Variants in FOXO1 observed in about 807,000 individuals in gnomAD.
The protein encoded by FOXO1 is forkhead box O1, also known as forkhead box protein O1.
A neutral mutation model predicts 44.1 loss-of-function variants in FOXO1; 6 were observed. That is an observed-to-expected ratio of 0.14 (90% CI 0.07 to 0.27). The LOEUF is 0.27. FOXO1 is among the 10% of genes least tolerant of loss of function. The probability of loss-of-function intolerance (pLI) is 1.00; values close to 1 mark genes in which losing one functional copy is unlikely to be tolerated. For missense variants in FOXO1, 737 were observed against 888.8 expected, an observed-to-expected ratio of 0.83 and a Z score of 2.17; for synonymous variants, 380 against 362.7, an observed-to-expected ratio of 1.05 and a Z score of -0.54.
chr13:40,560,875 A>T lies in FOXO1; in HGVS notation c.631-15T>A. On this transcript the variant is annotated splice_polypyrimidine_tract_variant and intron_variant, in intron 1 of 2. Transcript: ENST00000379561. The surrounding 1 kb of genome is among the most constrained non-coding windows in gnomAD (Gnocchi z 5.1). ...CGAATTGAATTCTGTAAGGCAAAAC[A>T]TCTTATTAGAAGTACAATACTTCTC... The T allele has an allele frequency of 6.3e-7, 1 of 1,582,786 alleles. No homozygotes were observed. Among genetic ancestry groups the T allele is most frequent in the Non-Finnish European group, 8.6e-7 (1 of 1,166,514 alleles).
chr13:40,560,133 C>T lies in FOXO1; in HGVS notation c.1358G>A (p.Ser453Asn), dbSNP rs571854966. The change falls in exon 2 of 3, where the codon AGT becomes AAT. Residue 453 changes from serine (S) to asparagine (N), a missense_variant. Transcript: ENST00000379561. The surrounding 1 kb of genome is among the most constrained non-coding windows in gnomAD (Gnocchi z 5.1). ...QDNKSSYGGM[S>N]QYNCAPGLLK... is the part of the protein sequence containing the mutation. ...GAGTCCAGGCGCACAGTTATACTGA[C>T]TCATACCTCCATAACTCGACTTATT... The T allele has an allele frequency of 3.5e-5, 57 of 1,614,170 alleles. No individual in the cohort carries two copies. In the South Asian group the frequency reaches 5.9e-4, roughly 17 times the overall value.
At chr13:40,650,212 G>A (rs181665467) in intron 1 of FOXO1, among the ~76,000 whole-genome samples, 2 of 152,172 alleles carry the variant, frequency 1.3e-5, no homozygotes, top group African/African-American at 4.8e-5. Flanking sequence ...TGGGGCTTGT[G>A]GGAGTGTGGC....
intron 1 of FOXO1, among the ~76,000 whole-genome samples, chr13:40,636,517 C>CTTTT (rs376651061): frequency 4.3e-4 from 52 of 121,924 alleles, no homozygotes; most frequent in African/African-American, 1.2e-3. Context: ...TTTTCAAAAA[C>CTTTT]TTTTTTTTTT....
At chr13:40,645,725 G>A (rs1257519663) in intron 1 of FOXO1, among the ~76,000 whole-genome samples, 1 of 152,140 alleles carries the variant, frequency 6.6e-6, no homozygotes, top group Non-Finnish European at 1.5e-5. Flanking sequence ...CTAGGGAAGG[G>A]GAGTAGGAAG....
intron 1 of FOXO1, among the ~76,000 whole-genome samples, chr13:40,586,932 T>A (rs946542605): frequency 2.0e-5 from 3 of 152,220 alleles, no homozygotes; most frequent in African/African-American, 7.2e-5. Context: ...TAAAGTGTTT[T>A]TAAACTGAAG....
intron 1 of FOXO1, among the ~76,000 whole-genome samples, chr13:40,657,452 C>T (rs555372007): frequency 7.4e-4 from 112 of 152,186 alleles, no homozygotes; most frequent in Non-Finnish European, 1.3e-3. Flanking sequence ...CCTGCCTCAG[C>T]CTCACAAGTA....
At chr13:40,562,829 G>A (rs557840044) in intron 1 of FOXO1, 1 of 152,382 alleles carries the variant, frequency 6.6e-6, no homozygotes, top group Admixed American at 6.5e-5. Flanking sequence ...GTGTTCAGGG[G>A]AGTCCGTGGG....
intron 1 of FOXO1, among the ~76,000 whole-genome samples, chr13:40,658,842 T>C (rs918912397): frequency 6.6e-6 from 1 of 152,000 alleles, no homozygotes; most frequent in Non-Finnish European, 1.5e-5. Flanking sequence ...ATCCCGTCTC[T>C]ACTAAAAATA....
intron 1 of FOXO1, among the ~76,000 whole-genome samples, chr13:40,626,075 C>A (rs1876776947): frequency 6.6e-6 from 1 of 152,144 alleles, no homozygotes; most frequent in African/African-American, 2.4e-5. Flanking sequence ...CCTCAGCCTC[C>A]CAAAGTGCTG....
intron 1 of FOXO1, among the ~76,000 whole-genome samples, chr13:40,633,010 A>G (rs1566080726): frequency 6.6e-6 from 1 of 152,256 alleles, no homozygotes; most frequent in Non-Finnish European, 1.5e-5. Context: ...ATATAAAAAG[A>G]TGCTTAACAT....
chr13:40,599,478 G>T (rs566473415), intron 1 of FOXO1, among the ~76,000 whole-genome samples: 2 of 152,334 alleles, frequency 1.3e-5, no homozygotes. Context: ...TGTACAGCTG[G>T]ACGAAGTTTT....
chr13:40,610,674 A>AT (rs1373886343), intron 1 of FOXO1, among the ~76,000 whole-genome samples: 1 of 152,196 alleles, frequency 6.6e-6, no homozygotes, highest in East Asian at 1.9e-4. Context: ...TTTATTTTAA[A>AT]TTTTTTTATT....
chr13:40,644,893 C>A (rs746265879), intron 1 of FOXO1, among the ~76,000 whole-genome samples: 3 of 152,216 alleles, frequency 2.0e-5, no homozygotes, highest in African/African-American at 7.2e-5. Context: ...GCAGCCAACA[C>A]TACTCATCTC....
At chr13:40,646,473 A>C (rs564642960) in intron 1 of FOXO1, among the ~76,000 whole-genome samples, 110 of 152,196 alleles carry the variant, frequency 7.2e-4, no homozygotes, top group Non-Finnish European at 1.3e-3. Context: ...TGGTGCCGTG[A>C]GCTGCGCCCA....
chr13:40,648,202 A>G (rs1324367396), intron 1 of FOXO1, among the ~76,000 whole-genome samples: 3 of 152,218 alleles, frequency 2.0e-5, no homozygotes, highest in Non-Finnish European at 4.4e-5. Flanking sequence ...GGTGCTGATT[A>G]CATTCAGGAA....
intron 1 of FOXO1, chr13:40,620,288 C>A: frequency 8.9e-7 from 1 of 1,117,336 alleles, no homozygotes; most frequent in Non-Finnish European, 1.4e-6. Flanking sequence ...GCAAACAGAA[C>A]TCATCCAGAG....
rs55733141 is a variant in FOXO1 at position 40,584,469 on chromosome 13, C to CAAAAAAAAAAAAAAAAAAA, written c.631-23628_631-23610dup. On this transcript the variant is annotated intron_variant, in intron 1 of 2. Coordinates refer to ENST00000379561, the MANE Select transcript of FOXO1 (RefSeq NM_002015.4). ...AGAAATTCTATCTCCACAAAAAATG[C>CAAAAAAAAAAAAAAAAAAA]AAAAAAAAAAAAAAAAAAAAAAAAA... Among the ~76,000 whole-genome samples the CAAAAAAAAAAAAAAAAAAA allele has an allele frequency of 2.2e-4, 14 of 63,130 alleles. 2 individuals carry two copies. Among genetic ancestry groups the CAAAAAAAAAAAAAAAAAAA allele is most frequent in the South Asian group, 7.1e-4 (1 of 1,412 alleles). 41.4% of individuals were successfully genotyped at this position (63,130 alleles called of 152,430 possible).
chr13:40,646,153 A>C (rs754246038), intron 1 of FOXO1, among the ~76,000 whole-genome samples: 2 of 152,140 alleles, frequency 1.3e-5, no homozygotes, highest in Admixed American at 6.5e-5. Flanking sequence ...CTACAATTTT[A>C]ATTAGTCTAT....
chr13:40,623,882 T>C (rs1034228642), intron 1 of FOXO1, among the ~76,000 whole-genome samples: 2 of 150,284 alleles, frequency 1.3e-5, no homozygotes, highest in African/African-American at 4.9e-5. Context: ...CAGGAGGAGT[T>C]TGAGACCAGC....
Sources: gnomAD v4.1 joint callset for allele counts (sites outside exome capture counted in the v4.1 genomes callset) on GRCh38, gnomAD v4.1.1 for gene constraint, Gnocchi (gnomAD v3.1) non-coding constraint, MANE v1.5 for transcripts, NCBI Gene and HGNC (gene_info 2026-07-23, HGNC 2026-07-21) for gene names.